Variants in TMEM131 observed in about 807,000 individuals in gnomAD.
The protein encoded by TMEM131 is 2610524E03Rik.
TMEM131 carries 66 observed loss-of-function variants against 211.6 expected under a neutral mutation model. The observed-to-expected ratio is 0.31, with a 90% CI of 0.26 to 0.38. The LOEUF (loss-of-function observed/expected upper bound fraction) is 0.38. TMEM131 is among the 10% of genes least tolerant of loss of function. The pLI is 1.00. For missense variants in TMEM131, 2,036 were observed against 2,299.3 expected, an observed-to-expected ratio of 0.89 and a Z score of 2.34; for synonymous variants, 844 against 841.3, an observed-to-expected ratio of 1.00 and a Z score of -0.06.
At chr2:97,923,564 G>A (rs1341869474) in intron 2 of TMEM131, among the ~76,000 whole-genome samples, 2 of 144,620 alleles carry the variant, frequency 1.4e-5, no homozygotes, top group Non-Finnish European at 3.0e-5. Flanking sequence ...TGAGACAACA[G>A]TGAGCCATGA....
At chr2:97,939,663 T>G (rs1484694192) in intron 1 of TMEM131, among the ~76,000 whole-genome samples, 3 of 152,216 alleles carry the variant, frequency 2.0e-5, no homozygotes, top group Non-Finnish European at 4.4e-5. Flanking sequence ...GAATCCTCCC[T>G]AACTCATCTT....
intron 5 of TMEM131, among the ~76,000 whole-genome samples, chr2:97,854,325 T>C (rs372222417): frequency 6.6e-6 from 1 of 152,234 alleles, no homozygotes; most frequent in African/African-American, 2.4e-5. Flanking sequence ...GGCCACAGTA[T>C]AGTATAAACA....
At chr2:97,775,251 G>T (rs969676456) in intron 32 of TMEM131, among the ~76,000 whole-genome samples, 1 of 152,110 alleles carries the variant, frequency 6.6e-6, no homozygotes, top group South Asian at 2.1e-4. Context: ...CCTGGGAGCC[G>T]AGGCCTCCAA....
intron 3 of TMEM131, among the ~76,000 whole-genome samples, chr2:97,904,063 T>C (rs1455010174): frequency 6.6e-6 from 1 of 152,098 alleles, no homozygotes; most frequent in Non-Finnish European, 1.5e-5. Context: ...CATTAGAGAC[T>C]AAAGAGAAGT....
chr2:97,987,311 G>C (rs1421726526), intron 1 of TMEM131, among the ~76,000 whole-genome samples: 1 of 152,124 alleles, frequency 6.6e-6, no homozygotes, highest in Non-Finnish European at 1.5e-5. Context: ...AAGAGATCGA[G>C]ACCATCCTGG....
intron 1 of TMEM131, among the ~76,000 whole-genome samples, chr2:97,942,037 G>A (rs1013001726): frequency 6.6e-6 from 1 of 152,102 alleles, no homozygotes; most frequent in Non-Finnish European, 1.5e-5. Flanking sequence ...TATGTTTATT[G>A]TGGCACTATT....
intron 21 of TMEM131, 66 bp from the exon 22 acceptor site, chr2:97,805,271 C>G: frequency 6.4e-7 from 1 of 1,564,086 alleles, no homozygotes; most frequent in Non-Finnish European, 8.7e-7. Context: ...CAAATAATTT[C>G]TATAGTAACA....
Position 97,841,806 on chromosome 2 carries a change from T to C in TMEM131, c.723+9A>G. On this transcript the variant is annotated intron_variant, in intron 7 of 40. Coordinates refer to ENST00000186436, the MANE Select transcript of TMEM131 (RefSeq NM_015348.2). Reference sequence around the variant, plus strand: ...TGAAGCTTATTCAAAATTACCATCATAAACTCACCTGTAAAGGCTCACTGT... The same window carrying C: ...TGAAGCTTATTCAAAATTACCATCACAAACTCACCTGTAAAGGCTCACTGT... 6.4e-7 allele frequency: 1 copy of C among 1,570,864 alleles called. No individual in the cohort carries two copies. Among genetic ancestry groups the C allele is most frequent in the South Asian group, 1.2e-5 (1 of 83,200 alleles).
intron 39 of TMEM131, chr2:97,759,384 C>T: frequency 1.9e-6 from 1 of 528,994 alleles, no homozygotes; most frequent in Non-Finnish European, 3.4e-6. Flanking sequence ...CATTTCAGAC[C>T]AGAACCCTTC....
intron 7 of TMEM131, among the ~76,000 whole-genome samples, chr2:97,839,861 C>T (rs1683113393): frequency 6.6e-6 from 1 of 152,204 alleles, no homozygotes; most frequent in South Asian, 2.1e-4. Context: ...ACTATTCCAT[C>T]ATCACAGAAA....
At chr2:97,875,381 A>G (rs547233267) in intron 4 of TMEM131, among the ~76,000 whole-genome samples, 12 of 152,312 alleles carry the variant, frequency 7.9e-5, no homozygotes, top group South Asian at 2.1e-4. Context: ...ATAGACATCT[A>G]CAGAACTCTC....
At chr2:97,827,201 G>C (rs1014319659) in intron 11 of TMEM131, 11 of 690,650 alleles carry the variant, frequency 1.6e-5, no homozygotes, top group Admixed American at 1.1e-4. Context: ...GGCTCTTGGC[G>C]CGCCGCGGCC....
At chr2:97,917,947 C>CTTTTTTT (rs1239831659) in intron 2 of TMEM131, among the ~76,000 whole-genome samples, 1 of 146,054 alleles carries the variant, frequency 6.8e-6, no homozygotes, top group African/African-American at 2.5e-5. Context: ...TTTTTTCTCT[C>CTTTTTTT]TTTTTTTTTT....
chr2:97,896,712 T>C (rs990859511), intron 3 of TMEM131, among the ~76,000 whole-genome samples: 11 of 152,074 alleles, frequency 7.2e-5, no homozygotes, highest in Admixed American at 3.3e-4. Flanking sequence ...TCTTGTGCCA[T>C]TGAATTACCT....
chr2:97,922,261 T>C lies in TMEM131; in HGVS notation c.249+5165A>G, dbSNP rs372361897. Among the ~76,000 whole-genome samples, 5 of 152,264 alleles carry C rather than the reference T, an allele frequency of 3.3e-5. No individual in the cohort carries two copies. The East Asian group carries it at 5.8e-4, about 18-fold the overall frequency. On this transcript the variant is annotated intron_variant, in intron 2 of 40. Coordinates refer to ENST00000186436, the MANE Select transcript of TMEM131 (RefSeq NM_015348.2). ...AGGAGGCTGAGCTCAGGAGGTAATG[T>C]TCACTTCTTCACCCACCACCTGCTG...
chr2:97,887,699 A>G (rs2104255603), intron 4 of TMEM131: 1 of 176,552 alleles, frequency 5.7e-6, no homozygotes, highest in South Asian at 1.7e-4. Context: ...CACATATATT[A>G]AACAAATAGA....
At chr2:97,759,840 C>CA in intron 38 of TMEM131, 91 bp from the exon 39 acceptor site, 1 of 879,240 alleles carries the variant, frequency 1.1e-6, no homozygotes, top group South Asian at 1.4e-5. Context: ...AAACAGGAGA[C>CA]ACTGCTTCAA....
chr2:97,973,424 T>C (rs1406703551), intron 1 of TMEM131, among the ~76,000 whole-genome samples: 3 of 152,210 alleles, frequency 2.0e-5, no homozygotes, highest in East Asian at 1.9e-4. Context: ...AGGGAGTTAC[T>C]AGGCCACAGT....
intron 1 of TMEM131, among the ~76,000 whole-genome samples, chr2:97,949,946 G>T (rs1422189217): frequency 6.6e-6 from 1 of 151,728 alleles, no homozygotes; most frequent in Non-Finnish European, 1.5e-5. Flanking sequence ...ACTACATGAA[G>T]GCCTTACTCC....
Sources: gnomAD v4.1 joint callset for allele counts (sites outside exome capture counted in the v4.1 genomes callset) on GRCh38, gnomAD v4.1.1 for gene constraint, MANE v1.5 for transcripts, NCBI Gene and HGNC (gene_info 2026-07-23, HGNC 2026-07-21) for gene names.